Variants in PWWP3A observed in about 807,000 individuals in gnomAD.
PWWP3A encodes PWWP domain-containing DNA repair factor 3A.
A neutral mutation model predicts 79.0 loss-of-function variants in PWWP3A; 53 were observed. That is an observed-to-expected ratio of 0.67 (90% CI 0.54 to 0.84). The LOEUF (loss-of-function observed/expected upper bound fraction) is 0.84. PWWP3A is among the 40% of genes least tolerant of loss of function. PWWP3A has a pLI of 0.00. For missense variants in PWWP3A, 973 were observed against 948.0 expected, an observed-to-expected ratio of 1.03 and a Z score of -0.35; for synonymous variants, 443 against 394.4, an observed-to-expected ratio of 1.12 and a Z score of -1.46.
chr19:1,356,316 C>T lies in PWWP3A; in HGVS notation c.-69-8C>T. 2 of 1,447,116 alleles carry T rather than the reference C, an allele frequency of 1.4e-6. No homozygotes were observed. Among genetic ancestry groups the T allele is most frequent in the Non-Finnish European group, 1.9e-6 (2 of 1,029,050 alleles). The allele number at this position is 1,447,116 out of a possible 1,614,324, so 89.6% of individuals were successfully genotyped here. ...GTTGTATAAACCACCGTGCAAATTT[C>T]GTTCCAGGACACATTGGCGTGAGAC... On this transcript the variant is annotated splice_region_variant and splice_polypyrimidine_tract_variant and intron_variant, in intron 1 of 13. Coordinates refer to ENST00000591337, the MANE Select transcript of PWWP3A (RefSeq NM_001369789.1).
rs777543533 is a variant in PWWP3A, at chr19:1,360,605, C to T, written c.684C>T (p.Cys228=). The change falls in exon 5 of 14, where the codon TGC becomes TGT. Residue 228 remains cysteine, a synonymous_variant. Transcript: ENST00000591337. The surrounding 1 kb of genome is among the most constrained non-coding windows in gnomAD (Gnocchi z 4.4). ...GGNSAQKASL[C]LNGSSLSEDD... ...ACTCAGCGCAGAAGGCTAGCTTGTG[C>T]CTGAATGGATCTTCCCTTTCAGAGG... The T allele has an allele frequency of 1.3e-5, 21 of 1,614,006 alleles. No individual in the cohort carries two copies. The East Asian group carries it at 4.2e-4, about 33-fold the overall frequency.
Position 1,360,180 on chromosome 19 carries a change from T to C in PWWP3A, c.259T>C (p.Tyr87His). The change falls in exon 5 of 14, where the codon TAC becomes CAC. Residue 87 changes from tyrosine to histidine, a missense_variant. Physicochemically the swap from Tyr to His is moderately conservative, Grantham distance 83 (BLOSUM62 2). Coordinates refer to ENST00000591337, the MANE Select transcript of PWWP3A (RefSeq NM_001369789.1). The surrounding 1 kb of genome is among the most constrained non-coding windows in gnomAD (Gnocchi z 4.4). Reference protein sequence around the residue: ...VPAAPLEELAYRRSLRVALDV... With the variant: ...VPAAPLEELAHRRSLRVALDV... ...TGCGGCACCCCTGGAAGAACTGGCC[T>C]ACAGACGGTCGCTTCGCGTGGCTCT... The C allele has an allele frequency of 1.9e-6, 3 of 1,597,866 alleles. No individual in the cohort carries two copies. In the African/African-American group the frequency reaches 4.0e-5, roughly 21 times the overall value.
rs916853039 is a variant in PWWP3A at position 1,368,113 on chromosome 19, C to T, written c.1422+893C>T. 1.2e-4 allele frequency among the ~76,000 whole-genome samples: 19 copies of T among 152,002 alleles called. No individual in the cohort carries two copies. The highest frequency in any genetic ancestry group is 2.1e-4 in the Non-Finnish European group (14 of 68,004). ...CTAATTTTTGTATTTTTAGTAGAGA[C>T]GGGGTTTCATCATATTGGCCAGGTT... On this transcript the variant is annotated intron_variant, in intron 9 of 13. Transcript: ENST00000591337. This position sits in a 1 kb window ranked among gnomAD's most constrained non-coding sequence, Gnocchi z 4.7.
At chr19:1,374,697 A>T (rs1429239582) in intron 13 of PWWP3A, among the ~76,000 whole-genome samples, 2 of 152,104 alleles carry the variant, frequency 1.3e-5, no homozygotes, top group Non-Finnish European at 2.9e-5. Context: ...ATTTTCCTTT[A>T]CAGGGAGGTC....
chr19:1,364,245 T>C, intron 6 of PWWP3A: 1 of 624,834 alleles, frequency 1.6e-6, no homozygotes, highest in Non-Finnish European at 3.0e-6. Context: ...ATCCCAAGGG[T>C]GCGTTTGTCG....
rs540801130 is a variant in PWWP3A at position 1,356,625 on chromosome 19, C to T, written c.57+176C>T. Among the ~76,000 whole-genome samples the T allele has an allele frequency of 7.4e-5, 11 of 149,164 alleles. No individual in the cohort carries two copies. In the East Asian group the frequency reaches 1.4e-3, roughly 19 times the overall value. ...TTTTGGTCTAGTGCTTCCAAGGTTACACTTCCAGAAATGTCTTTTTTTTTT... is the reference window on the plus strand; with the variant it reads ...TTTTGGTCTAGTGCTTCCAAGGTTATACTTCCAGAAATGTCTTTTTTTTTT... On this transcript the variant is annotated intron_variant, in intron 2 of 13. Coordinates refer to ENST00000591337, the MANE Select transcript of PWWP3A (RefSeq NM_001369789.1).
Position 1,360,150 on chromosome 19 carries a change from GT to G in PWWP3A, c.231del (p.Pro78LeufsTer21). ...IASSLASQNEVPAAPLEELAY... is the reference protein window; with the variant it reads ...IASSLASQNEXPAAPLEELAY... ...GGTCCTTGCAGCCTCACAGAATGAG[GT>G]TCCTGCGGCACCCCTGGAAGAACTG... is the stretch of plus-strand genomic sequence containing the variant. On this transcript the variant is annotated frameshift_variant, in exon 5 of 14. Transcript: ENST00000591337. LOFTEE classifies it high-confidence loss of function. This position sits in a 1 kb window ranked among gnomAD's most constrained non-coding sequence, Gnocchi z 4.4. 6.4e-7 allele frequency: 1 copy of G among 1,562,974 alleles called. No individual in the cohort carries two copies. The highest frequency in any genetic ancestry group is 1.2e-5 in the South Asian group (1 of 82,912).
chr19:1,371,763 A>G (rs1229740468), intron 12 of PWWP3A, among the ~76,000 whole-genome samples: 1 of 151,966 alleles, frequency 6.6e-6, no homozygotes, highest in African/African-American at 2.4e-5. Flanking sequence ...ATGTGCCCAT[A>G]ACCTGCCTGG....
intron 13 of PWWP3A, among the ~76,000 whole-genome samples, chr19:1,376,025 G>C (rs1303468163): frequency 1.3e-5 from 2 of 150,810 alleles, no homozygotes; most frequent in Non-Finnish European, 2.9e-5. Context: ...TGGCCAGGCT[G>C]GTCTTGAACT....
In PWWP3A at chr19:1,376,683, C is replaced by G; in HGVS notation, c.*107C>G. ...CTCAGGGGGCACGTTTGCGTTTGGA[C>G]CTGTCTGTGCGTTCTCCTGCGTGGC... On this transcript the variant is annotated 3_prime_UTR_variant, in exon 14 of 14. Coordinates refer to ENST00000591337, the MANE Select transcript of PWWP3A (RefSeq NM_001369789.1). The G allele has an allele frequency of 9.6e-7, 1 of 1,044,942 alleles. No homozygotes were observed. Among genetic ancestry groups the G allele is most frequent in the South Asian group, 1.4e-5 (1 of 73,156 alleles). 64.7% of individuals were successfully genotyped at this position (1,044,942 alleles called of 1,614,324 possible). A position where few individuals can be genotyped will look rare whatever the true frequency, so the allele number is the denominator to read the frequency against.
At chr19:1,367,697 T>C (rs2082159046) in intron 9 of PWWP3A, among the ~76,000 whole-genome samples, 1 of 152,232 alleles carries the variant, frequency 6.6e-6, no homozygotes, top group Non-Finnish European at 1.5e-5. Flanking sequence ...GACGTCTTGC[T>C]GCAGAGTGGC....
In PWWP3A at chr19:1,362,146, C is replaced by T. The variant is rs142627207; in HGVS notation, c.1112-104C>T. On this transcript the variant is annotated intron_variant, in intron 5 of 13. Coordinates refer to ENST00000591337, the MANE Select transcript of PWWP3A (RefSeq NM_001369789.1). Reference sequence around the variant, plus strand: ...TGTGGAGTTGTGTATAGCATGGAACCTTTTCTTTATGCATCGATGGTCATG... The same window carrying T: ...TGTGGAGTTGTGTATAGCATGGAACTTTTTCTTTATGCATCGATGGTCATG... 130 of 911,574 alleles carry T rather than the reference C, an allele frequency of 1.4e-4. No individual in the cohort carries two copies. In the East Asian group the frequency reaches 2.5e-3, roughly 17 times the overall value. The allele number at this position is 911,574 out of a possible 1,614,324, so 56.5% of individuals were successfully genotyped here.
In PWWP3A at chr19:1,360,249, G is replaced by A; in HGVS notation, c.328G>A (p.Ala110Thr). 6.2e-7 allele frequency: 1 copy of A among 1,614,110 alleles called. No individual in the cohort carries two copies. The highest frequency in any genetic ancestry group is 8.5e-7 in the Non-Finnish European group (1 of 1,180,000). ...EGSIWSQESS[A>T]GTGRADRSLR... Reference sequence around the variant, plus strand: ...CTCGATTTGGAGTCAAGAAAGCTCTGCAGGGACAGGTAGAGCTGACCGGTC... The same window carrying A: ...CTCGATTTGGAGTCAAGAAAGCTCTACAGGGACAGGTAGAGCTGACCGGTC... The change falls in exon 5 of 14, where the codon GCA becomes ACA. Residue 110 changes from alanine (A) to threonine (T), a missense_variant. Physicochemically the swap from Ala to Thr is moderately conservative, Grantham distance 58. Coordinates refer to ENST00000591337, the MANE Select transcript of PWWP3A (RefSeq NM_001369789.1). The surrounding 1 kb of genome is among the most constrained non-coding windows in gnomAD (Gnocchi z 4.4).
rs1218527995 is a variant in PWWP3A, at chr19:1,370,677, T to C, written c.1585T>C (p.Leu529=). The change falls in exon 12 of 14, where the codon TTG becomes CTG. Residue 529 remains leucine, a synonymous_variant. Transcript: ENST00000591337. ...PVRKSIQQDV[L]GTKLPQLSKG... is the part of the protein sequence containing the mutation. ...CCGAAAATCCATCCAGCAGGACGTC[T>C]TGGGGACCAAGCTTCCTCAACTGAG... 1.4e-6 allele frequency: 2 copies of C among 1,452,392 alleles called. No homozygotes were observed. Among genetic ancestry groups the C allele is most frequent in the South Asian group, 2.9e-5 (2 of 67,942 alleles). 90.0% of individuals were successfully genotyped at this position (1,452,392 alleles called of 1,614,324 possible).
intron 13 of PWWP3A, 147 bp downstream of exon 13, chr19:1,373,307 T>TA (rs1342347089): frequency 1.0e-5 from 7 of 670,026 alleles, no homozygotes; most frequent in Non-Finnish European, 1.8e-5. Flanking sequence ...GCTGATCACA[T>TA]ACGCTGAACT....
chr19:1,360,107 C>G lies in PWWP3A; in HGVS notation c.215-29C>G. ...CGCAGTGCCTGTGCAGTGAACGTAA[C>G]CGGCATTGTGTATGTTCGGTCCTTG... On this transcript the variant is annotated intron_variant, in intron 4 of 13. Coordinates refer to ENST00000591337, the MANE Select transcript of PWWP3A (RefSeq NM_001369789.1). The surrounding 1 kb of genome is among the most constrained non-coding windows in gnomAD (Gnocchi z 4.4). 1 of 1,518,208 alleles carries G rather than the reference C, an allele frequency of 6.6e-7. No individual in the cohort carries two copies. The highest frequency in any genetic ancestry group is 8.8e-7 in the Non-Finnish European group (1 of 1,135,642). 94.0% of individuals were successfully genotyped at this position (1,518,208 alleles called of 1,614,324 possible). A position where few individuals can be genotyped will look rare whatever the true frequency, so the allele number is the denominator to read the frequency against.
chr19:1,366,422 G>A (rs1235511212), intron 8 of PWWP3A, 41 bp downstream of exon 8: 1 of 1,572,898 alleles, frequency 6.4e-7, no homozygotes, highest in Non-Finnish European at 8.8e-7. Flanking sequence ...GGCCTGAGGG[G>A]CCAGGCCGGC....
At chr19:1,358,555 T>C in intron 4 of PWWP3A, 91 bp downstream of exon 4, 1 of 1,602,314 alleles carries the variant, frequency 6.2e-7, no homozygotes, top group Non-Finnish European at 8.5e-7. Flanking sequence ...GGGTAAAAAT[T>C]CACCCTGTTC....
chr19:1,362,019 G>T (rs565958820), intron 5 of PWWP3A: 2 of 362,354 alleles, frequency 5.5e-6, no homozygotes, highest in Middle Eastern at 6.7e-4. Flanking sequence ...TCCCTTCACC[G>T]CAGGCCTCTC....
Sources: gnomAD v4.1 joint callset for allele counts (sites outside exome capture counted in the v4.1 genomes callset) on GRCh38, gnomAD v4.1.1 for gene constraint, Gnocchi (gnomAD v3.1) non-coding constraint, MANE v1.5 for transcripts, NCBI Gene and HGNC (gene_info 2026-07-23, HGNC 2026-07-21) for gene names.